TOP1: variants seen among roughly 807,000 people sequenced by gnomAD.
TOP1 encodes DNA topoisomerase 1.
Under a neutral mutation model 111.1 loss-of-function variants are expected in TOP1, and 10 were observed. The observed-to-expected ratio is 0.09, with a 90% CI of 0.06 to 0.15. The LOEUF is 0.15. TOP1 is among the 10% of genes least tolerant of loss of function. TOP1 has a pLI of 1.00. For missense variants in TOP1, 474 were observed against 926.7 expected, an observed-to-expected ratio of 0.51 and a Z score of 6.34; for synonymous variants, 271 against 302.9, an observed-to-expected ratio of 0.89 and a Z score of 1.10.
intron 2 of TOP1, among the ~76,000 whole-genome samples, chr20:41,060,291 A>G (rs1489918472): frequency 6.6e-6 from 1 of 152,260 alleles, no homozygotes; most frequent in Non-Finnish European, 1.5e-5. Flanking sequence ...GTTACAGTAT[A>G]TCCACACAAT....
In TOP1 at chr20:41,097,395, A is replaced by G; in HGVS notation, c.852+54A>G. ...GTACCTTGCAAAACAATCAAGTACT[A>G]AGTAATAAATTATCATTTTGCAAAA... On this transcript the variant is annotated intron_variant, in intron 10 of 20. Transcript: ENST00000361337. This position sits in a 1 kb window ranked among gnomAD's most constrained non-coding sequence, Gnocchi z 4.2. 6.7e-7 allele frequency: 1 copy of G among 1,502,488 alleles called. No individual in the cohort carries two copies. Among genetic ancestry groups the G allele is most frequent in the East Asian group, 2.4e-5 (1 of 42,504 alleles). 93.1% of individuals were successfully genotyped at this position (1,502,488 alleles called of 1,614,324 possible). A position where few individuals can be genotyped will look rare whatever the true frequency, so the allele number is the denominator to read the frequency against.
intron 13 of TOP1, among the ~76,000 whole-genome samples, chr20:41,105,536 C>A (rs2034132167): frequency 6.6e-6 from 1 of 152,194 alleles, no homozygotes; most frequent in African/African-American, 2.4e-5. Context: ...TTCGCTCTGT[C>A]ACCCAGGCTG....
rs921570363 is a variant in TOP1 at position 41,079,972 on chromosome 20, G to A, written c.336-113G>A. On this transcript the variant is annotated intron_variant, in intron 5 of 20. Coordinates refer to ENST00000361337, the MANE Select transcript of TOP1 (RefSeq NM_003286.4). This position sits in a 1 kb window ranked among gnomAD's most constrained non-coding sequence, Gnocchi z 4.0. ...CACAGAACATCTTCATGATATGTAC[G>A]TGGTTATCCTTATTTCTGTTAGCTT... The A allele has an allele frequency of 4.6e-4, 321 of 694,028 alleles. No individual in the cohort carries two copies. The highest frequency in any genetic ancestry group is 5.5e-4 in the East Asian group (20 of 36,604). The allele number at this position is 694,028 out of a possible 1,614,324, so 43.0% of individuals were successfully genotyped here.
chr20:41,104,089 G>C (rs2034107143), intron 13 of TOP1, among the ~76,000 whole-genome samples: 1 of 152,166 alleles, frequency 6.6e-6, no homozygotes, highest in Admixed American at 6.5e-5. Flanking sequence ...GGCATTTAAA[G>C]CTGGCCACAT....
intron 2 of TOP1, among the ~76,000 whole-genome samples, chr20:41,049,834 AT>A (rs573466164): frequency 6.0e-5 from 9 of 150,172 alleles, no homozygotes; most frequent in Admixed American, 1.3e-4. Context: ...TTAGCTAGAG[AT>A]TTTTTTTTTG....
chr20:41,029,628 A>T lies in TOP1; in HGVS notation c.58+173A>T. ...CCGCCTCTTGACCCCCTTTCCGGGG[A>T]CCCCAGCTCCTCCAGATCCCGGCCC... is the stretch of plus-strand genomic sequence containing the variant. On this transcript the variant is annotated intron_variant, in intron 2 of 20. Transcript: ENST00000361337. The surrounding 1 kb of genome is among the most constrained non-coding windows in gnomAD (Gnocchi z 6.1). 1 of 675,784 alleles carries T rather than the reference A, an allele frequency of 1.5e-6. No individual in the cohort carries two copies. Among genetic ancestry groups the T allele is most frequent in the Non-Finnish European group, 2.7e-6 (1 of 373,856 alleles). The allele number at this position is 675,784 out of a possible 1,614,324, so 41.9% of individuals were successfully genotyped here. A position where few individuals can be genotyped will look rare whatever the true frequency, so the allele number is the denominator to read the frequency against.
chr20:41,056,812 A>C (rs2145924455), intron 2 of TOP1, among the ~76,000 whole-genome samples: 1 of 152,278 alleles, frequency 6.6e-6, no homozygotes, highest in African/African-American at 2.4e-5. Flanking sequence ...CTTGGGGTTC[A>C]GATCTTTGAC....
chr20:41,089,765 A>T (rs2033896079), intron 8 of TOP1, among the ~76,000 whole-genome samples: 1 of 151,974 alleles, frequency 6.6e-6, no homozygotes, highest in Admixed American at 6.6e-5. Context: ...CCAGGACCAC[A>T]CGAGGGTGCT....
intron 2 of TOP1, among the ~76,000 whole-genome samples, chr20:41,043,721 G>T (rs6102256): frequency 2.0e-5 from 3 of 152,208 alleles, no homozygotes; most frequent in Non-Finnish European, 4.4e-5. Context: ...AGGCAGTTTA[G>T]GCTGAGCTGT....
intron 5 of TOP1, 85 bp downstream of exon 5, chr20:41,077,722 C>A: frequency 7.7e-7 from 1 of 1,304,300 alleles, no homozygotes; most frequent in Non-Finnish European, 1.1e-6. Context: ...TCTGAGTTAA[C>A]CCAAAACCCA....
Position 41,101,646 on chromosome 20 carries a change from G to A in TOP1, c.1308+293G>A, listed in dbSNP as rs1396798781. Among the ~76,000 whole-genome samples the A allele has an allele frequency of 6.6e-6, 1 of 152,208 alleles. No individual in the cohort carries two copies. The highest frequency in any genetic ancestry group is 1.5e-5 in the Non-Finnish European group (1 of 68,034). ...TATGTTGGTAAACAAGATAGACGTA[G>A]GCCCTGCCTTCATATTGCTTAACGT... On this transcript the variant is annotated intron_variant, in intron 13 of 20. Coordinates refer to ENST00000361337, the MANE Select transcript of TOP1 (RefSeq NM_003286.4). The surrounding 1 kb of genome is among the most constrained non-coding windows in gnomAD (Gnocchi z 4.1).
At chr20:41,086,606 T>C (rs574528915) in intron 8 of TOP1, among the ~76,000 whole-genome samples, 3 of 152,358 alleles carry the variant, frequency 2.0e-5, no homozygotes, top group Admixed American at 2.0e-4. Context: ...TGTGTAGAAT[T>C]AGGTGCCCTT....
chr20:41,084,823 G>A (rs2145940728), intron 8 of TOP1, among the ~76,000 whole-genome samples: 1 of 152,274 alleles, frequency 6.6e-6, no homozygotes, highest in Admixed American at 6.5e-5. Context: ...ATGTATAGGT[G>A]GGAATTTAGC....
At position 41,061,792 on chromosome 20, in the gene TOP1, A is replaced by G. The variant is rs1208252572; in HGVS notation, c.155+302A>G. Among the ~76,000 whole-genome samples, 4 of 152,216 alleles carry G rather than the reference A, an allele frequency of 2.6e-5. No homozygotes were observed. Among genetic ancestry groups the G allele is most frequent in the African/African-American group, 9.6e-5 (4 of 41,460 alleles). The stretch of plus-strand genomic sequence containing the variant: ...TTGTGACACATGATGGCATTTAATC[A>G]AGTCTGTAGCAAGCTTGCCTTGATA... On this transcript the variant is annotated intron_variant, in intron 3 of 20. Transcript: ENST00000361337. This position sits in a 1 kb window ranked among gnomAD's most constrained non-coding sequence, Gnocchi z 4.6.
chr20:41,033,983 T>TA (rs11475251), intron 2 of TOP1, among the ~76,000 whole-genome samples: 40 of 146,708 alleles, frequency 2.7e-4, no homozygotes, highest in South Asian at 6.5e-4. Context: ...CCTGGAGGTT[T>TA]AAAAAAAAAA....
At chr20:41,053,458 CT>C (rs374976924) in intron 2 of TOP1, among the ~76,000 whole-genome samples, 11 of 152,218 alleles carry the variant, frequency 7.2e-5, no homozygotes, top group South Asian at 4.1e-4. Context: ...TACTCTTAGA[CT>C]TTTTTTCCCC....
At position 41,112,955 on chromosome 20, in the gene TOP1, A is replaced by G. The variant is rs2145964257; in HGVS notation, c.1452+30A>G. 8 of 1,605,466 alleles carry G rather than the reference A, an allele frequency of 5.0e-6. No individual in the cohort carries two copies. The highest frequency in any genetic ancestry group is 6.8e-6 in the Non-Finnish European group (8 of 1,174,990). On this transcript the variant is annotated intron_variant, in intron 14 of 20. Coordinates refer to ENST00000361337, the MANE Select transcript of TOP1 (RefSeq NM_003286.4). This position sits in a 1 kb window ranked among gnomAD's most constrained non-coding sequence, Gnocchi z 5.8. ...GAGCATCTTCCCATCGGCATTGTCT[A>G]GTGTTGAGCTTAACAAAGGGAGTTT...
At chr20:41,117,231 T>C (rs2034344153) in intron 17 of TOP1, among the ~76,000 whole-genome samples, 1 of 151,902 alleles carries the variant, frequency 6.6e-6, no homozygotes, top group African/African-American at 2.4e-5. Context: ...TGTGCACCTG[T>C]CATCCCAGCT....
At chr20:41,040,747 A>C (rs955822819) in intron 2 of TOP1, among the ~76,000 whole-genome samples, 1 of 151,154 alleles carries the variant, frequency 6.6e-6, no homozygotes, top group African/African-American at 2.4e-5. Context: ...CAGAGGTTGC[A>C]ATGAGCCGAG....
Sources: allele counts gnomAD v4.1 joint callset (sites outside exome capture counted in the v4.1 genomes callset), GRCh38; gene constraint gnomAD v4.1.1; non-coding constraint Gnocchi (gnomAD v3.1); transcripts MANE v1.5; gene names NCBI Gene and HGNC (gene_info 2026-07-23, HGNC 2026-07-21).